Variants in PALLD observed in about 807,000 individuals in gnomAD.
PALLD encodes the protein palladin, cytoskeletal associated protein.
PALLD carries 61 observed loss-of-function variants against 123.5 expected under a neutral mutation model. That is an observed-to-expected ratio of 0.49 (90% confidence interval 0.40 to 0.61). The LOEUF (loss-of-function observed/expected upper bound fraction) is 0.61, where lower values mean the gene tolerates loss of function less well. Among genes scored for constraint, PALLD ranks in the 20% least tolerant of loss-of-function variants. The pLI, the probability that PALLD is intolerant of heterozygous loss-of-function variation, is 0.00. For synonymous variants in PALLD, 465 were observed against 496.4 expected (o/e 0.94, Z 0.84); for missense variants, 1,273 against 1,377.0 (o/e 0.92, Z 1.20).
intron 2 of PALLD, among the ~76,000 whole-genome samples, chr4:168,639,337 G>C (rs969189237): frequency 3.9e-5 from 6 of 152,294 alleles, no homozygotes; most frequent in African/African-American, 1.4e-4. Flanking sequence ...AATGCAGTCA[G>C]TATTGTTGTC....
chr4:168,628,096 TAATC>T (rs1775470578), intron 2 of PALLD, among the ~76,000 whole-genome samples: 1 of 152,382 alleles, frequency 6.6e-6, no homozygotes, highest in South Asian at 2.1e-4. Context: ...TAAAATCCAG[TAATC>T]CCACTTGTGG....
At chr4:168,562,454 G>A (rs1314977564) in intron 2 of PALLD, among the ~76,000 whole-genome samples, 2 of 152,144 alleles carry the variant, frequency 1.3e-5, no homozygotes, top group African/African-American at 4.8e-5. Flanking sequence ...TTATGTGCTG[G>A]CAAGAGGAAA....
At chr4:168,535,935 G>A (rs980990282) in intron 2 of PALLD, among the ~76,000 whole-genome samples, 3 of 152,120 alleles carry the variant, frequency 2.0e-5, no homozygotes, top group African/African-American at 4.8e-5. Flanking sequence ...CATAAGCAAC[G>A]TGGTGTGTAA....
chr4:168,775,717 T>G (rs1040826680), intron 10 of PALLD, among the ~76,000 whole-genome samples: 1 of 152,216 alleles, frequency 6.6e-6, no homozygotes, highest in Non-Finnish European at 1.5e-5. Flanking sequence ...TTATATGATA[T>G]GAGGTATGAA....
At chr4:168,748,663 A>G (rs1462385562) in intron 10 of PALLD, among the ~76,000 whole-genome samples, 1 of 152,094 alleles carries the variant, frequency 6.6e-6, no homozygotes, top group Non-Finnish European at 1.5e-5. Flanking sequence ...TTTCATCTGG[A>G]GGCTCAACTG....
At chr4:168,704,204 C>T (rs1783992817) in intron 8 of PALLD, among the ~76,000 whole-genome samples, 4 of 151,690 alleles carry the variant, frequency 2.6e-5, no homozygotes, top group Non-Finnish European at 5.9e-5. Context: ...AACTGGATCC[C>T]TTCCTTACAC....
At chr4:168,787,990 A>G (rs1418553532) in intron 10 of PALLD, among the ~76,000 whole-genome samples, 1 of 152,234 alleles carries the variant, frequency 6.6e-6, no homozygotes, top group East Asian at 1.9e-4. Context: ...CGCTGTAAAC[A>G]TGGTCATTGG....
At chr4:168,505,329 A>C (rs1240332416) in intron 1 of PALLD, among the ~76,000 whole-genome samples, 2 of 152,238 alleles carry the variant, frequency 1.3e-5, no homozygotes, top group Non-Finnish European at 2.9e-5. Flanking sequence ...AATATGAGTT[A>C]ATAAGCAGGT....
At chr4:168,750,038 C>T (rs1024409526) in intron 10 of PALLD, among the ~76,000 whole-genome samples, 3 of 151,886 alleles carry the variant, frequency 2.0e-5, no homozygotes, top group Non-Finnish European at 4.4e-5. Context: ...CTTCCACCTT[C>T]GAGGTTCAAG....
At chr4:168,626,167 G>A (rs1304856329) in intron 2 of PALLD, among the ~76,000 whole-genome samples, 4 of 151,924 alleles carry the variant, frequency 2.6e-5, no homozygotes, top group East Asian at 1.9e-4. Flanking sequence ...TTGGGAGGCC[G>A]AAGCAGGCGG....
At chr4:168,711,168 A>C (rs1055810191) in intron 9 of PALLD, among the ~76,000 whole-genome samples, 2 of 152,244 alleles carry the variant, frequency 1.3e-5, no homozygotes. Context: ...GAATATCCAC[A>C]TAAAACCTTT....
chr4:168,784,444 G>A (rs997772262), intron 10 of PALLD, among the ~76,000 whole-genome samples: 1 of 152,190 alleles, frequency 6.6e-6, no homozygotes, highest in African/African-American at 2.4e-5. Flanking sequence ...ATTATTTTGT[G>A]GGAAAAGCTG....
intron 10 of PALLD, among the ~76,000 whole-genome samples, chr4:168,849,017 T>C (rs1747330959): frequency 6.6e-6 from 1 of 152,198 alleles, no homozygotes; most frequent in Non-Finnish European, 1.5e-5. Flanking sequence ...GAGAATTTTT[T>C]TCGTTAAAAA....
At position 168,690,657 on chromosome 4, in the gene PALLD, G is replaced by T. The variant is rs1782533530; in HGVS notation, c.1390G>T (p.Val464Phe). The T allele has an allele frequency of 6.2e-7, 1 of 1,614,028 alleles. No homozygotes were observed. Among genetic ancestry groups the T allele is most frequent in the Non-Finnish European group, 8.5e-7 (1 of 1,179,992 alleles). Residue 464 changes from valine to phenylalanine, a missense_variant, in exon 7 of 22, where the codon GTC becomes TTC. Val to Phe is a conservative substitution (Grantham distance 50). This residue lies in a region of PALLD where 944 missense variants were observed against 954.5 expected (regional missense o/e 0.99). Transcript: ENST00000505667. Reference protein sequence around the residue: ...EGQVVVLECRVRGAPPLQVQW... With the variant: ...EGQVVVLECRFRGAPPLQVQW... The stretch of plus-strand genomic sequence containing the variant: ...CCAGGTGGTGGTTCTGGAGTGCCGG[G>T]TCCGTGGGGCACCCCCTCTGCAGGT...
At chr4:168,715,563 T>G (rs966597031) in intron 10 of PALLD, among the ~76,000 whole-genome samples, 22 of 152,222 alleles carry the variant, frequency 1.4e-4, no homozygotes, top group Admixed American at 1.3e-4. Context: ...CCTTGGTTCC[T>G]TGCTGCCCTC....
chr4:168,771,085 A>AAAAAAAAC (rs1195167673), intron 10 of PALLD, among the ~76,000 whole-genome samples: 34 of 149,692 alleles, frequency 2.3e-4, no homozygotes, highest in African/African-American at 7.7e-4. Context: ...ACAAAAAAAA[A>AAAAAAAAC]ACCTTAGTTT....
At chr4:168,921,190 GAGGTCAGGAGTTCAAGACC>G (rs1761412229) in intron 17 of PALLD, among the ~76,000 whole-genome samples, 1 of 151,976 alleles carries the variant, frequency 6.6e-6, no homozygotes, top group Admixed American at 6.6e-5. Flanking sequence ...CGGATCACCT[GAGGTCAGGAGTTCAAGACC>G]AGCCCGGCCA....
intron 2 of PALLD, among the ~76,000 whole-genome samples, chr4:168,576,901 T>G (rs1421424156): frequency 6.6e-6 from 1 of 152,048 alleles, no homozygotes; most frequent in Admixed American, 6.6e-5. Flanking sequence ...CCAGTTAGAA[T>G]GGCGATCATT....
chr4:168,818,744 A>C (rs978214134), intron 10 of PALLD, among the ~76,000 whole-genome samples: 4 of 152,258 alleles, frequency 2.6e-5, no homozygotes, highest in Non-Finnish European at 5.9e-5. Flanking sequence ...AAAAATTTAG[A>C]AGTCAAATAC....
Sources: allele counts gnomAD v4.1 joint callset (sites outside exome capture counted in the v4.1 genomes callset), GRCh38; gene constraint gnomAD v4.1.1; regional missense constraint gnomAD v4.1.1; transcripts MANE v1.5; gene names NCBI Gene and HGNC (gene_info 2026-07-23, HGNC 2026-07-21).